ZNF536: variants seen among roughly 807,000 people sequenced by gnomAD.
ZNF536 encodes zinc finger protein 536.
A neutral mutation model predicts 84.5 loss-of-function variants in ZNF536; 13 were observed. The observed-to-expected ratio is 0.15, with a 90% confidence interval of 0.10 to 0.24. ZNF536 has a LOEUF of 0.24. Ranked by LOEUF, ZNF536 falls within the 10% of genes least tolerant of loss-of-function variation. The pLI is 1.00. For missense variants in ZNF536, 1,536 were observed against 1,747.5 expected, an observed-to-expected ratio of 0.88 and a Z score of 2.16; for synonymous variants, 811 against 742.5, an observed-to-expected ratio of 1.09 and a Z score of -1.50.
At chr19:30,691,768 A>T (rs1372892852) in intron 1 of ZNF536, among the ~76,000 whole-genome samples, 2 of 152,146 alleles carry the variant, frequency 1.3e-5, no homozygotes, top group African/African-American at 4.8e-5. Flanking sequence ...GGGAGGGGGG[A>T]AACCAGACAT....
At chr19:30,571,935 T>TGA (rs2046562739) in intron 1 of ZNF536, among the ~76,000 whole-genome samples, 1 of 151,724 alleles carries the variant, frequency 6.6e-6, no homozygotes, top group Non-Finnish European at 1.5e-5. Context: ...AGACAAGGGG[T>TGA]GGTCTTGTTT....
chr19:30,570,087 G>A (rs10424536), intron 1 of ZNF536, among the ~76,000 whole-genome samples: 151,830 of 152,288 alleles, frequency 1, 75,701 homozygotes, highest in Middle Eastern at 1. Flanking sequence ...TCTATCCCCA[G>A]ATATCAGTAG....
At chr19:30,289,081 C>T (rs1013972255) in intron 2 of ZNF536, among the ~76,000 whole-genome samples, 3 of 152,094 alleles carry the variant, frequency 2.0e-5, no homozygotes, top group Non-Finnish European at 2.9e-5. Flanking sequence ...ATTGTTGACA[C>T]ATCACTGGGG....
At chr19:30,647,164 T>C (rs750446874) in intron 1 of ZNF536, among the ~76,000 whole-genome samples, 12 of 152,230 alleles carry the variant, frequency 7.9e-5, no homozygotes, top group Non-Finnish European at 1.6e-4. Flanking sequence ...ATGATCTCCC[T>C]TTTGTGAATC....
chr19:30,555,415 G>T (rs972123462), intron 4 of ZNF536: 1 of 152,198 alleles, frequency 6.6e-6, no homozygotes, highest in African/African-American at 2.4e-5. Context: ...AGAGAGGCAC[G>T]TTTCATTTCC....
chr19:30,342,989 G>A (rs946542229), intron 2 of ZNF536, among the ~76,000 whole-genome samples: 6 of 152,198 alleles, frequency 3.9e-5, no homozygotes, highest in African/African-American at 1.4e-4. Context: ...GCTGTCATTA[G>A]CCACTTCCAC....
intron 1 of ZNF536, among the ~76,000 whole-genome samples, chr19:30,426,699 T>G (rs1041801934): frequency 3.9e-5 from 6 of 152,336 alleles, no homozygotes; most frequent in Middle Eastern, 3.4e-3. Flanking sequence ...TTCCTGATTT[T>G]AAGGACCCCA....
chr19:30,447,449 C>T (rs971838900), intron 2 of ZNF536, among the ~76,000 whole-genome samples: 2 of 152,152 alleles, frequency 1.3e-5, no homozygotes, highest in Non-Finnish European at 2.9e-5. Flanking sequence ...CACTTAATGC[C>T]GCTGCTTAAA....
chr19:30,392,705 T>C (rs2147359521), intron 1 of ZNF536, among the ~76,000 whole-genome samples: 1 of 152,336 alleles, frequency 6.6e-6, no homozygotes, highest in Non-Finnish European at 1.5e-5. Flanking sequence ...CTGTTTTATT[T>C]CTAGAGATGA....
chr19:30,243,674 T>C (rs1178249847), intron 1 of ZNF536, among the ~76,000 whole-genome samples: 1 of 152,246 alleles, frequency 6.6e-6, no homozygotes, highest in Non-Finnish European at 1.5e-5. Flanking sequence ...AATCAATATT[T>C]TGACAGTGCT....
intron 2 of ZNF536, among the ~76,000 whole-genome samples, chr19:30,482,330 C>A (rs1223317240): frequency 6.6e-6 from 1 of 152,144 alleles, no homozygotes; most frequent in Non-Finnish European, 1.5e-5. Context: ...TTTTATCCTG[C>A]AGTAGAAAAT....
At chr19:30,415,486 T>A (rs2050690989) in intron 1 of ZNF536, among the ~76,000 whole-genome samples, 1 of 151,686 alleles carries the variant, frequency 6.6e-6, no homozygotes, top group South Asian at 2.1e-4. Flanking sequence ...GTGTGAATTC[T>A]TTTTTCCAGA....
intron 2 of ZNF536, among the ~76,000 whole-genome samples, chr19:30,351,346 G>T (rs2047924746): frequency 6.6e-6 from 1 of 152,178 alleles, no homozygotes; most frequent in Non-Finnish European, 1.5e-5. Context: ...TTCAAAGAAT[G>T]CACTTTTTGG....
At chr19:30,494,159 C>T (rs2054620661) in intron 2 of ZNF536, among the ~76,000 whole-genome samples, 1 of 152,134 alleles carries the variant, frequency 6.6e-6, no homozygotes, top group African/African-American at 2.4e-5. Context: ...AACCTGAATA[C>T]TTGATTCTGA....
At chr19:30,394,063 G>T (rs1159742509) in intron 1 of ZNF536, among the ~76,000 whole-genome samples, 1 of 152,224 alleles carries the variant, frequency 6.6e-6, no homozygotes, top group East Asian at 1.9e-4. Flanking sequence ...GGAAGGGCAC[G>T]TGCAGATGGA....
chr19:30,423,261 A>G (rs544751271), intron 1 of ZNF536, among the ~76,000 whole-genome samples: 25 of 151,946 alleles, frequency 1.6e-4, no homozygotes, highest in African/African-American at 5.6e-4. Flanking sequence ...CCATCCATCC[A>G]TTCATCCATC....
intron 1 of ZNF536, among the ~76,000 whole-genome samples, chr19:30,682,290 T>G (rs926112228): frequency 1.6e-4 from 25 of 152,158 alleles, no homozygotes; most frequent in African/African-American, 5.8e-4. Flanking sequence ...TGCTGAGGAC[T>G]CGAGGCGAGG....
At chr19:30,238,253 G>A (rs1268358646) in intron 1 of ZNF536, among the ~76,000 whole-genome samples, 1 of 151,902 alleles carries the variant, frequency 6.6e-6, no homozygotes, top group Non-Finnish European at 1.5e-5. Context: ...CTTCCTTCCT[G>A]GCTGGTCTTT....
chr19:30,269,370 G>A (rs1568290809), intron 1 of ZNF536, among the ~76,000 whole-genome samples: 1 of 152,196 alleles, frequency 6.6e-6, no homozygotes, highest in Non-Finnish European at 1.5e-5. Flanking sequence ...TTGCACCAGG[G>A]ATAATTTAAT....
Sources: allele counts gnomAD v4.1 joint callset (sites outside exome capture counted in the v4.1 genomes callset), GRCh38; gene constraint gnomAD v4.1.1; transcripts MANE v1.5; gene names NCBI Gene and HGNC (gene_info 2026-07-23, HGNC 2026-07-21).